HDAC4: variants seen among roughly 807,000 people sequenced by gnomAD.
HDAC4 encodes histone deacetylase 4.
HDAC4 carries 16 observed loss-of-function variants against 135.1 expected under a neutral mutation model. That is an observed-to-expected ratio of 0.12 (90% CI 0.08 to 0.18). The LOEUF (loss-of-function observed/expected upper bound fraction) is 0.18. HDAC4 is among the 10% of genes least tolerant of loss of function. The pLI, the probability that HDAC4 is intolerant of heterozygous loss-of-function variation, is 1.00. For missense variants in HDAC4, 1,143 were observed against 1,511.8 expected, an observed-to-expected ratio of 0.76 and a Z score of 4.05; for synonymous variants, 685 against 653.4, an observed-to-expected ratio of 1.05 and a Z score of -0.74.
intron 3 of HDAC4, among the ~76,000 whole-genome samples, chr2:239,190,736 C>T (rs2044885028): frequency 6.6e-6 from 1 of 152,192 alleles, no homozygotes; most frequent in South Asian, 2.1e-4. Context: ...TTCTGCACCT[C>T]GCGAAGAAAT....
intron 2 of HDAC4, chr2:239,351,815 C>T (rs1693176377): frequency 6.5e-6 from 1 of 154,408 alleles, no homozygotes. Context: ...AAGCGTCTGT[C>T]CAGTGGCCAC....
rs1014136078 is a variant in HDAC4 at position 239,310,152 on chromosome 2, T to G, written c.22+42526A>C. The stretch of plus-strand genomic sequence containing the variant: ...AATGGTCCGTGGCAGTCATTCAGCC[T>G]TGGAGTGAACCGTTCTGCCCAAGTG... On this transcript the variant is annotated intron_variant, in intron 2 of 26. Transcript: ENST00000543185. Among the ~76,000 whole-genome samples the G allele has an allele frequency of 6.6e-5, 10 of 152,248 alleles. 1 individual carries two copies. The highest frequency in any genetic ancestry group is 1.2e-4 in the Non-Finnish European group (8 of 68,046).
chr2:239,118,380 T>C (rs2039328735), intron 12 of HDAC4, among the ~76,000 whole-genome samples: 1 of 152,050 alleles, frequency 6.6e-6, no homozygotes, highest in South Asian at 2.1e-4. Flanking sequence ...GCAGCGTGGG[T>C]GTCGGGGCGG....
chr2:239,277,939 G>A (rs112392598), intron 2 of HDAC4, among the ~76,000 whole-genome samples: 1 of 115,176 alleles, frequency 8.7e-6, no homozygotes, highest in Non-Finnish European at 1.8e-5. Context: ...AGCCACACAC[G>A]CCAGCCACAC....
intron 4 of HDAC4, among the ~76,000 whole-genome samples, chr2:239,183,215 C>A (rs1031266207): frequency 2.6e-5 from 4 of 152,242 alleles, no homozygotes; most frequent in Admixed American, 2.6e-4. Flanking sequence ...GAACTCTGAA[C>A]CAAATATAGG....
chr2:239,352,317 C>T lies in HDAC4; in HGVS notation c.22+361G>A, dbSNP rs1489430718. On this transcript the variant is annotated intron_variant, in intron 2 of 26. Transcript: ENST00000543185. The surrounding 1 kb of genome is among the most constrained non-coding windows in gnomAD (Gnocchi z 4.4). ...GTTGGAGGAGCACTCCCACCCCTCA[C>T]ACAACCCCTCATGAAACAACAAAGA... is the stretch of plus-strand genomic sequence containing the variant. Among the ~76,000 whole-genome samples the T allele has an allele frequency of 1.3e-5, 2 of 152,080 alleles. No individual in the cohort carries two copies. Among genetic ancestry groups the T allele is most frequent in the Non-Finnish European group, 2.9e-5 (2 of 68,016 alleles).
In HDAC4 at chr2:239,159,493, CCA is replaced by C. The variant is rs552476640; in HGVS notation, c.612-2722_612-2721del. Among the ~76,000 whole-genome samples, 224 of 149,324 alleles carry C rather than the reference CCA, an allele frequency of 1.5e-3. 4 individuals carry two copies. Among genetic ancestry groups the C allele is most frequent in the East Asian group, 0.011 (56 of 4,896 alleles). ...CTTACACGCACACCCCACCCACACC[CCA>C]CACACCCACACTTCATGCCTCACAC... On this transcript the variant is annotated intron_variant, in intron 6 of 26. Coordinates refer to ENST00000543185, the MANE Select transcript of HDAC4 (RefSeq NM_001378414.1).
rs530187467 is a variant in HDAC4, at chr2:239,115,961, T to C, written c.1534-651A>G. ...CTTGCAGGATTCCATGGGTGCTCCA[T>C]GACCTGCCCCGCTATGGGGCCCCAA... On this transcript the variant is annotated intron_variant, in intron 12 of 26. Transcript: ENST00000543185. The surrounding 1 kb of genome is among the most constrained non-coding windows in gnomAD (Gnocchi z 6.3). Among the ~76,000 whole-genome samples, 2 of 152,142 alleles carry C rather than the reference T, an allele frequency of 1.3e-5. No individual in the cohort carries two copies. The highest frequency in any genetic ancestry group is 2.9e-5 in the Non-Finnish European group (2 of 68,022).
intron 19 of HDAC4, among the ~76,000 whole-genome samples, chr2:239,086,808 C>T (rs146325134): frequency 3.3e-5 from 5 of 152,316 alleles, no homozygotes; most frequent in African/African-American, 4.8e-5. Context: ...TCCTCCTCAC[C>T]GAAGCTGGCA....
chr2:239,066,625 A>G, intron 24 of HDAC4, 97 bp downstream of exon 24: 1 of 1,556,066 alleles, frequency 6.4e-7, no homozygotes, highest in African/African-American at 1.4e-5. Flanking sequence ...TCAGAGACCC[A>G]CTGGCTTTTT....
At chr2:239,234,597 T>G (rs113092966) in intron 3 of HDAC4, among the ~76,000 whole-genome samples, 232 of 152,314 alleles carry the variant, frequency 1.5e-3, no homozygotes, top group African/African-American at 5.5e-3. Flanking sequence ...TTCATCTTTA[T>G]GAGAACTCTG....
In HDAC4 at chr2:239,071,777, G is replaced by A. The variant is rs577816348; in HGVS notation, c.2751-3170C>T. On this transcript the variant is annotated intron_variant, in intron 22 of 26. Coordinates refer to ENST00000543185, the MANE Select transcript of HDAC4 (RefSeq NM_001378414.1). ...CTCTGCTCCTGTCGGCAGCTGATCT[G>A]GACGCTGTGGTTTTGGTGCCCACTG... is the stretch of plus-strand genomic sequence containing the variant. 5.3e-5 allele frequency among the ~76,000 whole-genome samples: 8 copies of A among 152,260 alleles called. No individual in the cohort carries two copies. The East Asian group carries it at 1.5e-3, about 29-fold the overall frequency.
At position 239,134,387 on chromosome 2, in the gene HDAC4, C is replaced by A; in HGVS notation, c.1152G>T (p.Arg384Ser). The change falls in exon 11 of 27, where the codon AGG (arginine) becomes AGT (serine). Residue 384 changes from arginine (R) to serine (S), a missense_variant. Coordinates refer to ENST00000543185, the MANE Select transcript of HDAC4 (RefSeq NM_001378414.1). ...ERLTLPALQQ[R>S]LSLFPGTHLT... ...GGTGGGTGCCGGGGAAAAGGGAGAG[C>A]CTCTGCTGGAGGGCGGGAAGGGTGA... The A allele has an allele frequency of 6.2e-7, 1 of 1,613,944 alleles. No homozygotes were observed. The highest frequency in any genetic ancestry group is 8.5e-7 in the Non-Finnish European group (1 of 1,179,970).
intron 2 of HDAC4, among the ~76,000 whole-genome samples, chr2:239,298,863 ATTTTTT>A (rs35449811): frequency 8.4e-5 from 7 of 82,980 alleles, no homozygotes; most frequent in Non-Finnish European, 1.1e-4. Flanking sequence ...GCCATAGCCT[ATTTTTT>A]TTTTTTTTTT....
chr2:239,321,326 G>A (rs1327140460), intron 2 of HDAC4, among the ~76,000 whole-genome samples: 4 of 152,032 alleles, frequency 2.6e-5, no homozygotes, highest in Admixed American at 2.0e-4. Context: ...TTAGCCGGGC[G>A]TGGTGGCGGG....
rs532949462 is a variant in HDAC4, at chr2:239,224,551, G to A, written c.94+12042C>T. On this transcript the variant is annotated intron_variant, in intron 3 of 26. Transcript: ENST00000543185. Reference sequence around the variant, plus strand: ...TCTAAGGAGGCCTGCCCTCACCAGCGGGTGTAAAATCGCAGCCCCTCCACT... The same window carrying A: ...TCTAAGGAGGCCTGCCCTCACCAGCAGGTGTAAAATCGCAGCCCCTCCACT... 5.9e-5 allele frequency among the ~76,000 whole-genome samples: 9 copies of A among 152,270 alleles called. No homozygotes were observed. The South Asian group carries it at 1.0e-3, about 18-fold the overall frequency.
chr2:239,057,644 A>T (rs1305382767), intron 24 of HDAC4, among the ~76,000 whole-genome samples: 4 of 152,252 alleles, frequency 2.6e-5, no homozygotes, highest in Non-Finnish European at 5.9e-5. Context: ...TTGTCAACCC[A>T]GAATTGTTTA....
At chr2:239,219,327 G>C (rs937241834) in intron 3 of HDAC4, among the ~76,000 whole-genome samples, 18 of 152,092 alleles carry the variant, frequency 1.2e-4, no homozygotes, top group African/African-American at 4.3e-4. Context: ...TAGGGACATG[G>C]ATGAAATTGG....
At chr2:239,394,494 T>C (rs1696437657) in intron 1 of HDAC4, among the ~76,000 whole-genome samples, 1 of 152,258 alleles carries the variant, frequency 6.6e-6, no homozygotes, top group African/African-American at 2.4e-5. Flanking sequence ...CACACCTGCC[T>C]TGGCCTTGGC....
Sources: gnomAD v4.1 joint callset for allele counts (sites outside exome capture counted in the v4.1 genomes callset) on GRCh38, gnomAD v4.1.1 for gene constraint, Gnocchi (gnomAD v3.1) non-coding constraint, MANE v1.5 for transcripts, NCBI Gene and HGNC (gene_info 2026-07-23, HGNC 2026-07-21) for gene names.